The following USP32 variants were observed in gnomAD, a reference collection of about 807,000 sequenced individuals.
USP32 encodes the protein ubiquitin carboxyl-terminal hydrolase 32.
In USP32, 59 loss-of-function variants were observed where a neutral mutation model predicts 204.8. That is an observed-to-expected ratio of 0.29 (90% CI 0.23 to 0.36). USP32 has a LOEUF of 0.36. Ranked by LOEUF, USP32 falls within the 10% of genes least tolerant of loss-of-function variation. USP32 has a pLI of 1.00. For missense variants in USP32, 1,160 were observed against 1,946.4 expected (o/e 0.60, Z 7.60); for synonymous variants, 517 against 678.4 (o/e 0.76, Z 3.70).
At chr17:60,245,468 C>A in intron 11 of USP32, 1 of 342,462 alleles carries the variant, frequency 2.9e-6, no homozygotes, top group Non-Finnish European at 5.6e-6. Context: ...TTCTGGAAGC[C>A]ACTGGGCAGC....
chr17:60,390,279 C>CTAGTAT (rs1189732062), intron 1 of USP32, among the ~76,000 whole-genome samples: 2 of 152,194 alleles, frequency 1.3e-5, no homozygotes, highest in African/African-American at 4.8e-5. Context: ...AGGTACATCA[C>CTAGTAT]TAGTATTCAC....
intron 21 of USP32, among the ~76,000 whole-genome samples, chr17:60,209,770 T>G (rs1243413716): frequency 6.6e-6 from 1 of 152,200 alleles, no homozygotes; most frequent in Non-Finnish European, 1.5e-5. Context: ...TGTGCAATAC[T>G]GTGTCCTCAG....
rs531503685 is a variant in USP32 at position 60,251,645 on chromosome 17, A to G, written c.1136+736T>C. 5.9e-5 allele frequency among the ~76,000 whole-genome samples: 9 copies of G among 152,338 alleles called. No individual in the cohort carries two copies. The East Asian group carries it at 1.3e-3, about 23-fold the overall frequency. ...GTCACAAAGCAATGAAAGACACTCA[A>G]GTTATTAAAAATTGGACTATAGCTA... is the stretch of plus-strand genomic sequence containing the variant. On this transcript the variant is annotated intron_variant, in intron 11 of 33. Transcript: ENST00000300896.
At chr17:60,386,394 A>G (rs1040887773) in intron 1 of USP32, among the ~76,000 whole-genome samples, 2 of 151,624 alleles carry the variant, frequency 1.3e-5, no homozygotes, top group Non-Finnish European at 2.9e-5. Flanking sequence ...TCCCTCCACC[A>G]CTGCAGCTGT....
chr17:60,273,047 C>T (rs953621014), intron 5 of USP32, among the ~76,000 whole-genome samples: 1 of 152,174 alleles, frequency 6.6e-6, no homozygotes, highest in African/African-American at 2.4e-5. Flanking sequence ...CGGCTCACTG[C>T]AACCTCTGCC....
chr17:60,288,113 CAA>C (rs1045323566), intron 5 of USP32, among the ~76,000 whole-genome samples: 880 of 29,272 alleles, frequency 0.03, 8 homozygotes, highest in African/African-American at 0.061. Context: ...GACTTCGTCT[CAA>C]AAAAAAAAAA....
chr17:60,294,931 T>G, intron 3 of USP32, 130 bp from the exon 4 acceptor site: 2 of 569,680 alleles, frequency 3.5e-6, no homozygotes, highest in Non-Finnish European at 6.2e-6. Context: ...AAATATAGTT[T>G]ATTCCTTAAA....
At chr17:60,265,597 T>C in intron 8 of USP32, 123 bp from the exon 9 acceptor site, 1 of 666,022 alleles carries the variant, frequency 1.5e-6, no homozygotes, top group Non-Finnish European at 2.5e-6. Context: ...GGGGTCTCCT[T>C]ACGTTGCCCA....
rs867129525 is a variant in USP32, at chr17:60,244,040, T to G, written c.1137-7800A>C. 3.8e-3 allele frequency among the ~76,000 whole-genome samples: 518 copies of G among 137,172 alleles called. 9 individuals are homozygous for G. The highest frequency in any genetic ancestry group is 0.014 in the African/African-American group (486 of 35,142). 90.0% of individuals were successfully genotyped at this position (137,172 alleles called of 152,430 possible). A position where few individuals can be genotyped will look rare whatever the true frequency, so the allele number is the denominator to read the frequency against. ...AGTAGCTGGATTGTGTTTTTTTTTT[T>G]TTTTTTTTTTTTTGAGATGGAGTCT... On this transcript the variant is annotated intron_variant, in intron 11 of 33. Transcript: ENST00000300896.
intron 4 of USP32, among the ~76,000 whole-genome samples, chr17:60,291,503 ATT>A (rs979136335): frequency 6.6e-6 from 1 of 151,700 alleles, no homozygotes; most frequent in African/African-American, 2.4e-5. Flanking sequence ...AGGTCCTTAT[ATT>A]TTAGCTAAAG....
Position 60,185,637 on chromosome 17 carries a change from A to G in USP32, c.3657T>C (p.His1219=), listed in dbSNP as rs1381506498. ...CTCGCCGACTCTGCTCCACACTCTC[A>G]TGCTCATCTACAACCTGCAGGTAGA... The part of the protein sequence containing the change: ...QTSQERVVDE[H]ESVEQSRRAQ... Residue 1219 remains histidine, a synonymous_variant, in exon 30 of 34, where the codon CAT becomes CAC. Transcript: ENST00000300896. 6.2e-7 allele frequency: 1 copy of G among 1,610,750 alleles called. No homozygotes were observed. Among genetic ancestry groups the G allele is most frequent in the African/African-American group, 1.3e-5 (1 of 74,916 alleles).
chr17:60,213,000 A>G (rs1038082153), intron 18 of USP32, among the ~76,000 whole-genome samples: 35 of 152,158 alleles, frequency 2.3e-4, no homozygotes, highest in African/African-American at 8.4e-4. Flanking sequence ...TGATCCACCC[A>G]TCTCAGCCTC....
At chr17:60,312,608 T>C (rs530650661) in intron 2 of USP32, among the ~76,000 whole-genome samples, 17 of 151,736 alleles carry the variant, frequency 1.1e-4, no homozygotes, top group Admixed American at 1.1e-3. Context: ...ACCTTGCTAA[T>C]TTTTTCATTT....
chr17:60,375,234 TGA>T (rs1474175662), intron 1 of USP32, among the ~76,000 whole-genome samples: 1 of 152,206 alleles, frequency 6.6e-6, no homozygotes, highest in African/African-American at 2.4e-5. Flanking sequence ...TAACCAACTG[TGA>T]GAGAGTTTTT....
chr17:60,302,141 A>G (rs9897262), intron 2 of USP32, among the ~76,000 whole-genome samples: 17,025 of 145,086 alleles, frequency 0.12, 1,893 homozygotes, highest in African/African-American at 0.31. Flanking sequence ...TTATTTATTT[A>G]TTTATTTATT....
Position 60,310,646 on chromosome 17 carries a change from C to T in USP32, c.187-8942G>A, listed in dbSNP as rs528934442. On this transcript the variant is annotated intron_variant, in intron 2 of 33. Coordinates refer to ENST00000300896, the MANE Select transcript of USP32 (RefSeq NM_032582.4). The stretch of plus-strand genomic sequence containing the variant: ...CCCGGGAGGCGGAGGTTGCAGTGAG[C>T]CAAGATCGACCCACTGCACTCCAGC... 1.2e-4 allele frequency among the ~76,000 whole-genome samples: 19 copies of T among 152,206 alleles called. No homozygotes were observed. In the South Asian group the frequency reaches 3.9e-3, roughly 32 times the overall value.
Position 60,294,770 on chromosome 17 carries a change from C to G in USP32, c.324G>C (p.Gly108=), listed in dbSNP as rs2087385102. The G allele has an allele frequency of 6.2e-7, 1 of 1,610,612 alleles. No individual in the cohort carries two copies. Among genetic ancestry groups the G allele is most frequent in the Non-Finnish European group, 8.5e-7 (1 of 1,178,204 alleles). The change falls in exon 4 of 34, where the codon GGG becomes GGC. Residue 108 remains glycine (G), a synonymous_variant. Coordinates refer to ENST00000300896, the MANE Select transcript of USP32 (RefSeq NM_032582.4). The part of the protein sequence containing the change: ...YIFSLFSSES[G]NYVIREEMER... ...CCATTTCTTCCCGTATAACATAGTT[C>G]CCAGATTCACTTGAAAAAAGACTAA...
At chr17:60,195,928 C>G (rs2084502322) in intron 27 of USP32, among the ~76,000 whole-genome samples, 1 of 152,172 alleles carries the variant, frequency 6.6e-6, no homozygotes, top group Non-Finnish European at 1.5e-5. Flanking sequence ...CTCCAGTTTT[C>G]CTTCTTCCAT....
rs35652936 is a variant in USP32, at chr17:60,180,867, C to CTATTATTAT, written c.4549-239_4549-231dup. ...AACAATCATTTTATAATTGTAATTA[C>CTATTATTAT]TATTATTATTATTATTATTATTATT... On this transcript the variant is annotated intron_variant, in intron 32 of 33. Transcript: ENST00000300896. Among the ~76,000 whole-genome samples, 806 of 147,500 alleles carry CTATTATTAT rather than the reference C, an allele frequency of 5.5e-3. 5 individuals carry two copies. The highest frequency in any genetic ancestry group is 8.7e-3 in the Non-Finnish European group (586 of 67,066).
Sources: gnomAD v4.1 joint callset for allele counts (sites outside exome capture counted in the v4.1 genomes callset) on GRCh38, gnomAD v4.1.1 for gene constraint, MANE v1.5 for transcripts, NCBI Gene and HGNC (gene_info 2026-07-23, HGNC 2026-07-21) for gene names.